The following AHCYL2 variants were observed in gnomAD, a reference collection of about 807,000 sequenced individuals.
The protein encoded by AHCYL2 is adenosylhomocysteinase like 2, also known as S-adenosylhomocysteine hydrolase-like protein 2.
Under a neutral mutation model 81.4 loss-of-function variants are expected in AHCYL2, and 28 were observed. The ratio of observed to expected loss-of-function variants is 0.34; its 90% CI spans 0.25 to 0.47. The LOEUF (loss-of-function observed/expected upper bound fraction) is 0.47, where lower values mean the gene tolerates loss of function less well. AHCYL2 is among the 20% of genes least tolerant of loss of function. The pLI, the probability that AHCYL2 is intolerant of heterozygous loss-of-function variation, is 1.00. For missense variants in AHCYL2, 551 were observed against 785.1 expected, an observed-to-expected ratio of 0.70 and a Z score of 3.56; for synonymous variants, 272 against 290.2, an observed-to-expected ratio of 0.94 and a Z score of 0.64.
At position 129,225,073 on chromosome 7, in the gene AHCYL2, G is replaced by T; in HGVS notation, c.-4G>T. 6.3e-7 allele frequency: 1 copy of T among 1,587,452 alleles called. No individual in the cohort carries two copies. The highest frequency in any genetic ancestry group is 8.6e-7 in the Non-Finnish European group (1 of 1,168,556). On this transcript the variant is annotated 5_prime_UTR_variant, in exon 1 of 17. Transcript: ENST00000325006. ...CTGAGCCGGTGGTTGCAGCGGAGGC[G>T]GTGATGTCGGTGCAGGTTGTGTCAG...
intron 1 of AHCYL2, among the ~76,000 whole-genome samples, chr7:129,233,513 G>A (rs1438699215): frequency 6.6e-6 from 1 of 151,754 alleles, no homozygotes; most frequent in Non-Finnish European, 1.5e-5. Flanking sequence ...TTTTGAGATG[G>A]AATCTTGCTC....
chr7:129,427,099 C>T lies in AHCYL2; in HGVS notation c.*54C>T. On this transcript the variant is annotated 3_prime_UTR_variant, in exon 17 of 17. Coordinates refer to ENST00000325006, the MANE Select transcript of AHCYL2 (RefSeq NM_015328.4). The surrounding 1 kb of genome is among the most constrained non-coding windows in gnomAD (Gnocchi z 5.5). ...AGGAATAGAACTCCAAGCCTTTTCTCCACTACTATACAAGAAAGAATTCAG... is the reference window on the plus strand; with the variant it reads ...AGGAATAGAACTCCAAGCCTTTTCTTCACTACTATACAAGAAAGAATTCAG... 1 of 1,543,520 alleles carries T rather than the reference C, an allele frequency of 6.5e-7. No individual in the cohort carries two copies. The highest frequency in any genetic ancestry group is 1.7e-4 in the Middle Eastern group (1 of 5,908).
At chr7:129,283,675 A>T (rs1796527755) in intron 1 of AHCYL2, among the ~76,000 whole-genome samples, 1 of 152,080 alleles carries the variant, frequency 6.6e-6, no homozygotes, top group Non-Finnish European at 1.5e-5. Context: ...TTTGCTTTTT[A>T]TCTATAAAAA....
At chr7:129,379,797 G>C (rs150553280) in intron 2 of AHCYL2, 48 bp downstream of exon 2, 2 of 1,429,178 alleles carry the variant, frequency 1.4e-6, no homozygotes, top group Admixed American at 1.8e-5. Flanking sequence ...TAATAAGTAC[G>C]ATCTCAATGG....
intron 1 of AHCYL2, among the ~76,000 whole-genome samples, chr7:129,362,597 G>GTTTTTTTTTTT (rs769346623): frequency 5.3e-4 from 34 of 63,646 alleles, no homozygotes; most frequent in Admixed American, 6.4e-4. Context: ...TGGTTTTCTT[G>GTTTTTTTTTTT]TTTTTTTTTT....
At chr7:129,301,874 A>AT (rs145841991) in intron 1 of AHCYL2, among the ~76,000 whole-genome samples, 37,388 of 149,686 alleles carry the variant, frequency 0.25, 4,643 homozygotes, top group South Asian at 0.37. Context: ...AAATTTTAGG[A>AT]TTTTTTTTTT....
At chr7:129,225,498 C>A in intron 1 of AHCYL2, 59 bp downstream of exon 1, 1 of 1,430,798 alleles carries the variant, frequency 7.0e-7, no homozygotes, top group Non-Finnish European at 9.1e-7. Flanking sequence ...ACTGCAGATC[C>A]TCTCGGCACG....
At chr7:129,348,148 T>G (rs1401727179) in intron 1 of AHCYL2, among the ~76,000 whole-genome samples, 2 of 152,226 alleles carry the variant, frequency 1.3e-5, no homozygotes, top group Non-Finnish European at 2.9e-5. Flanking sequence ...GGATATTCAC[T>G]ACAGCATTGT....
At chr7:129,233,664 T>C (rs1024465818) in intron 1 of AHCYL2, among the ~76,000 whole-genome samples, 19 of 152,120 alleles carry the variant, frequency 1.2e-4, no homozygotes, top group African/African-American at 3.9e-4. Flanking sequence ...ATTTTTGTAT[T>C]GTTAGTAGAG....
At chr7:129,358,701 A>C (rs1793830231) in intron 1 of AHCYL2, among the ~76,000 whole-genome samples, 1 of 152,182 alleles carries the variant, frequency 6.6e-6, no homozygotes, top group Non-Finnish European at 1.5e-5. Context: ...AATGTACTTA[A>C]TGCCACTGAA....
At position 129,299,519 on chromosome 7, in the gene AHCYL2, G is replaced by A. The variant is rs539461283; in HGVS notation, c.363+74080G>A. On this transcript the variant is annotated intron_variant, in intron 1 of 16. Coordinates refer to ENST00000325006, the MANE Select transcript of AHCYL2 (RefSeq NM_015328.4). ...CGCCATTCTCCTGCCTCAGCCTCCC[G>A]AGTAGGTGGGACTACAGGCACCCGC... 1.2e-4 allele frequency among the ~76,000 whole-genome samples: 18 copies of A among 151,120 alleles called. No homozygotes were observed. The South Asian group carries it at 2.9e-3, about 25-fold the overall frequency.
chr7:129,272,580 G>T (rs1298954558), intron 1 of AHCYL2, among the ~76,000 whole-genome samples: 1 of 152,146 alleles, frequency 6.6e-6, no homozygotes, highest in Non-Finnish European at 1.5e-5. Context: ...AGAGAAAAGT[G>T]TTATTGGAGG....
intron 1 of AHCYL2, among the ~76,000 whole-genome samples, chr7:129,352,678 C>G (rs1251280946): frequency 6.6e-6 from 1 of 152,182 alleles, no homozygotes; most frequent in Non-Finnish European, 1.5e-5. Context: ...CTCAGATCTG[C>G]TTGCTTTTCT....
chr7:129,326,278 G>A (rs1031622936), intron 1 of AHCYL2, among the ~76,000 whole-genome samples: 3 of 152,110 alleles, frequency 2.0e-5, no homozygotes, highest in African/African-American at 7.2e-5. Context: ...TGTAATCCCA[G>A]CACTTTGAGA....
chr7:129,291,236 C>G (rs1051259926), intron 1 of AHCYL2, among the ~76,000 whole-genome samples: 8 of 152,034 alleles, frequency 5.3e-5, no homozygotes, highest in African/African-American at 1.9e-4. Flanking sequence ...CAAAATTTTG[C>G]AGGGAAGTAA....
At chr7:129,287,845 G>C (rs988302217) in intron 1 of AHCYL2, among the ~76,000 whole-genome samples, 1 of 152,138 alleles carries the variant, frequency 6.6e-6, no homozygotes, top group African/African-American at 2.4e-5. Context: ...TGTCGATCAT[G>C]TACTCCATTA....
intron 1 of AHCYL2, among the ~76,000 whole-genome samples, chr7:129,258,963 AT>A (rs955014725): frequency 2.0e-5 from 3 of 152,168 alleles, no homozygotes; most frequent in Admixed American, 6.5e-5. Context: ...GCATTTTGCT[AT>A]TTTAAAATCC....
chr7:129,252,016 T>C (rs544516056), intron 1 of AHCYL2, among the ~76,000 whole-genome samples: 4 of 152,322 alleles, frequency 2.6e-5, no homozygotes, highest in Admixed American at 2.6e-4. Context: ...TTAGTGGATC[T>C]TGCACAATTT....
chr7:129,254,604 G>C (rs1322194879), intron 1 of AHCYL2, among the ~76,000 whole-genome samples: 2 of 152,152 alleles, frequency 1.3e-5, no homozygotes, highest in African/African-American at 2.4e-5. Context: ...TGTTGAACTA[G>C]AGCCAGGTCT....
Sources: gnomAD v4.1 joint callset for allele counts (sites outside exome capture counted in the v4.1 genomes callset) on GRCh38, gnomAD v4.1.1 for gene constraint, Gnocchi (gnomAD v3.1) non-coding constraint, MANE v1.5 for transcripts, NCBI Gene and HGNC (gene_info 2026-07-23, HGNC 2026-07-21) for gene names.